The following VAV2 variants were observed in gnomAD, a reference collection of about 807,000 sequenced individuals.
VAV2 encodes the protein guanine nucleotide exchange factor VAV2.
VAV2 carries 67 observed loss-of-function variants against 132.5 expected under a neutral mutation model. That is an observed-to-expected ratio of 0.51 (90% CI 0.42 to 0.62). VAV2 has a LOEUF of 0.62. Among genes scored for constraint, VAV2 ranks in the 20% least tolerant of loss-of-function variants. VAV2 has a pLI of 0.00. For synonymous variants in VAV2, 492 were observed against 443.5 expected (o/e 1.11, Z -1.37); for missense variants, 938 against 1,153.6 (o/e 0.81, Z 2.71).
At chr9:133,784,861 G>A (rs978634880) in intron 17 of VAV2, among the ~76,000 whole-genome samples, 2 of 152,276 alleles carry the variant, frequency 1.3e-5, no homozygotes, top group African/African-American at 2.4e-5. Context: ...ACACAGACCC[G>A]CTGTTGGATG....
chr9:133,949,102 C>T (rs1337458799), intron 1 of VAV2, among the ~76,000 whole-genome samples: 1 of 152,204 alleles, frequency 6.6e-6, no homozygotes, highest in African/African-American at 2.4e-5. Flanking sequence ...CTCCCTTACG[C>T]TGGGCCCTCC....
At chr9:133,864,030 G>A (rs1837702605) in intron 2 of VAV2, among the ~76,000 whole-genome samples, 1 of 152,134 alleles carries the variant, frequency 6.6e-6, no homozygotes, top group Non-Finnish European at 1.5e-5. Context: ...CAGGGGCCCG[G>A]CTCTCAGGCA....
chr9:133,781,374 C>T (rs1436438802), intron 19 of VAV2, among the ~76,000 whole-genome samples: 3 of 152,258 alleles, frequency 2.0e-5, no homozygotes, highest in Non-Finnish European at 4.4e-5. Flanking sequence ...AGCTCACACA[C>T]ATCGCTGACG....
intron 3 of VAV2, among the ~76,000 whole-genome samples, chr9:133,842,917 G>A (rs927077549): frequency 5.3e-5 from 8 of 152,364 alleles, no homozygotes; most frequent in South Asian, 4.1e-4. Context: ...TGGAGGGCCC[G>A]CCAGACCCGT....
At chr9:133,864,577 T>C (rs957109761) in intron 2 of VAV2, among the ~76,000 whole-genome samples, 1 of 152,164 alleles carries the variant, frequency 6.6e-6, no homozygotes, top group East Asian at 1.9e-4. Flanking sequence ...CAGCACAACC[T>C]TTTAAAGGCG....
chr9:133,789,143 G>A (rs1338382068), intron 14 of VAV2, 115 bp downstream of exon 14: 6 of 1,118,752 alleles, frequency 5.4e-6, no homozygotes, highest in Non-Finnish European at 7.8e-6. Flanking sequence ...CCACCGCCAG[G>A]CAGCTCTTTC....
At chr9:133,915,945 TAC>T (rs1301175826) in intron 2 of VAV2, among the ~76,000 whole-genome samples, 6 of 145,426 alleles carry the variant, frequency 4.1e-5, no homozygotes, top group Admixed American at 2.8e-4. Context: ...GATGTACATG[TAC>T]ACACGATGCA....
chr9:133,932,484 C>T (rs892578245), intron 2 of VAV2, among the ~76,000 whole-genome samples: 3 of 152,166 alleles, frequency 2.0e-5, no homozygotes, highest in Non-Finnish European at 2.9e-5. Flanking sequence ...GAAACACTTC[C>T]GGAATAAACC....
chr9:133,980,432 T>C (rs938801606), intron 1 of VAV2, among the ~76,000 whole-genome samples: 1 of 151,934 alleles, frequency 6.6e-6, no homozygotes, highest in Non-Finnish European at 1.5e-5. Context: ...CCACCCAGAA[T>C]AGAGAAAGGG....
chr9:133,787,654 C>T (rs1490328693), intron 15 of VAV2, among the ~76,000 whole-genome samples: 1 of 134,188 alleles, frequency 7.5e-6, no homozygotes, highest in Admixed American at 8.2e-5. Context: ...TGCTCAAGTG[C>T]CATGGGCAGA....
intron 2 of VAV2, among the ~76,000 whole-genome samples, chr9:133,895,006 T>C (rs1839139798): frequency 6.6e-6 from 1 of 151,676 alleles, no homozygotes; most frequent in Admixed American, 6.6e-5. Flanking sequence ...CAGGGGTTGA[T>C]GTTCTGAAGA....
chr9:133,790,286 C>T (rs1031566277), intron 13 of VAV2, among the ~76,000 whole-genome samples: 1 of 152,206 alleles, frequency 6.6e-6, no homozygotes, highest in Non-Finnish European at 1.5e-5. Context: ...AAGAGATTCT[C>T]CTGCCTCAGC....
Position 133,788,059 on chromosome 9 carries a change from T to G in VAV2, c.1407+295A>C, listed in dbSNP as rs926905869. On this transcript the variant is annotated intron_variant, in intron 15 of 29. Coordinates refer to ENST00000371850, the MANE Select transcript of VAV2 (RefSeq NM_001134398.2). The surrounding 1 kb of genome is among the most constrained non-coding windows in gnomAD (Gnocchi z 5.3). Reference sequence around the variant, plus strand: ...CCCACCCTCACTAGAGGCCTTGGGGTGGCCTCTCCCCTCTGCCTCAGTCGC... The same window carrying G: ...CCCACCCTCACTAGAGGCCTTGGGGGGGCCTCTCCCCTCTGCCTCAGTCGC... 2.6e-5 allele frequency among the ~76,000 whole-genome samples: 4 copies of G among 152,176 alleles called. No homozygotes were observed. Among genetic ancestry groups the G allele is most frequent in the Non-Finnish European group, 5.9e-5 (4 of 68,018 alleles).
chr9:133,817,637 G>A (rs996693155), intron 4 of VAV2, among the ~76,000 whole-genome samples: 1 of 152,136 alleles, frequency 6.6e-6, no homozygotes, highest in Non-Finnish European at 1.5e-5. Context: ...ATAATAAAGT[G>A]CGTAACTTCC....
intron 3 of VAV2, among the ~76,000 whole-genome samples, chr9:133,839,388 G>A (rs1320293279): frequency 6.6e-6 from 1 of 151,968 alleles, no homozygotes; most frequent in Non-Finnish European, 1.5e-5. Context: ...AAAGGTGGGT[G>A]TCAGATATTC....
chr9:133,789,317 T>C lies in VAV2; in HGVS notation c.1215A>G (p.Arg405=). The C allele has an allele frequency of 1.9e-6, 3 of 1,614,112 alleles. No individual in the cohort carries two copies. Among genetic ancestry groups the C allele is most frequent in the East Asian group, 2.2e-5 (1 of 44,860 alleles). The change falls in exon 14 of 30, where the codon AGA becomes AGG. Residue 405 remains arginine (R), a synonymous_variant. Transcript: ENST00000371850. ...NLQVKLEEFG[R]PKIDGELKVR... is the part of the protein sequence containing the mutation. ...CTTTCAGTTCCCCGTCAATCTTTGG[T>C]CTTCCAAATTCCTCCAGTTTCACTT...
intron 2 of VAV2, among the ~76,000 whole-genome samples, chr9:133,889,764 A>C (rs574704266): frequency 4.1e-4 from 62 of 151,798 alleles, no homozygotes; most frequent in African/African-American, 1.5e-3. Flanking sequence ...ACACACACAA[A>C]AAATTTTTTT....
intron 2 of VAV2, among the ~76,000 whole-genome samples, chr9:133,917,280 G>A (rs1456842954): frequency 6.6e-6 from 1 of 152,130 alleles, no homozygotes; most frequent in Non-Finnish European, 1.5e-5. Context: ...GACAAACTCA[G>A]CACTCAAAAG....
intron 2 of VAV2, among the ~76,000 whole-genome samples, chr9:133,909,103 G>A (rs1313039550): frequency 6.6e-6 from 1 of 152,246 alleles, no homozygotes; most frequent in African/African-American, 2.4e-5. Flanking sequence ...CCTAGCAATC[G>A]CGAGGAAGGA....
Sources: allele counts gnomAD v4.1 joint callset (sites outside exome capture counted in the v4.1 genomes callset), GRCh38; gene constraint gnomAD v4.1.1; non-coding constraint Gnocchi (gnomAD v3.1); transcripts MANE v1.5; gene names NCBI Gene and HGNC (gene_info 2026-07-23, HGNC 2026-07-21).